DPY30: variants seen among roughly 807,000 people sequenced by gnomAD.
DPY30 encodes the protein protein dpy-30 homolog.
DPY30 carries 6 observed loss-of-function variants against 16.2 expected under a neutral mutation model. That is an observed-to-expected ratio of 0.37 (90% CI 0.20 to 0.73). DPY30 has a LOEUF of 0.73. Among genes scored for constraint, DPY30 ranks in the 30% least tolerant of loss-of-function variants. The pLI is 0.51. For missense variants in DPY30, 73 were observed against 113.1 expected (o/e 0.65, Z 1.61); for synonymous variants, 39 against 38.8 (o/e 1.00, Z -0.02).
At chr2:32,027,784 A>G (rs1188551373) in intron 4 of DPY30, among the ~76,000 whole-genome samples, 2 of 151,660 alleles carry the variant, frequency 1.3e-5, no homozygotes, top group Non-Finnish European at 2.9e-5. Context: ...ACCTGCCACC[A>G]CGCCCAGCTA....
chr2:32,022,571 G>A (rs1174728551), downstream of DPY30, among the ~76,000 whole-genome samples: 1 of 151,370 alleles, frequency 6.6e-6, no homozygotes. Flanking sequence ...AGGCTGGAGT[G>A]CAGTGGCACA....
intron 4 of DPY30, among the ~76,000 whole-genome samples, chr2:32,026,005 G>C (rs927608301): frequency 6.6e-6 from 1 of 152,094 alleles, no homozygotes; most frequent in Admixed American, 6.6e-5. Context: ...CTACTCAGGA[G>C]GTTAGGTGGA....
At chr2:32,035,028 G>T (rs1675683704) in intron 3 of DPY30, among the ~76,000 whole-genome samples, 1 of 151,374 alleles carries the variant, frequency 6.6e-6, no homozygotes, top group Non-Finnish European at 1.5e-5. Context: ...TAAATCGCTT[G>T]AACCCGGGAG....
intron 3 of DPY30, among the ~76,000 whole-genome samples, chr2:32,031,464 G>A (rs1165700185): frequency 6.6e-6 from 1 of 151,778 alleles, no homozygotes; most frequent in Non-Finnish European, 1.5e-5. Context: ...AGGCATGGTG[G>A]TGCACACCTG....
Position 32,039,725 on chromosome 2 carries a change from C to G in DPY30, c.-37+8G>C. On this transcript the variant is annotated splice_region_variant and intron_variant, in intron 1 of 4. Coordinates refer to ENST00000342166, the MANE Select transcript of DPY30 (RefSeq NM_001321209.2). ...AAGTGAGAAAGTGGGGGAAAGGGAGCTGATTACCCGCGCCCAAGCCGTTCG... is the reference window on the plus strand; with the variant it reads ...AAGTGAGAAAGTGGGGGAAAGGGAGGTGATTACCCGCGCCCAAGCCGTTCG... 1 of 568,770 alleles carries G rather than the reference C, an allele frequency of 1.8e-6. No homozygotes were observed. The highest frequency in any genetic ancestry group is 2.9e-5 in the East Asian group (1 of 34,732). The allele number at this position is 568,770 out of a possible 1,614,324, so 35.2% of individuals were successfully genotyped here. A position where few individuals can be genotyped will look rare whatever the true frequency, so the allele number is the denominator to read the frequency against.
At chr2:32,027,959 G>C (rs932984799) in intron 4 of DPY30, among the ~76,000 whole-genome samples, 6 of 152,048 alleles carry the variant, frequency 3.9e-5, no homozygotes, top group African/African-American at 1.4e-4. Flanking sequence ...GTTGATAGTA[G>C]AGCCAAGATA....
chr2:32,034,071 TG>T (rs779540147), intron 3 of DPY30, among the ~76,000 whole-genome samples: 24 of 152,208 alleles, frequency 1.6e-4, no homozygotes, highest in Non-Finnish European at 2.6e-4. Context: ...AACTAAAATT[TG>T]CAAGGCAGAG....
intron 3 of DPY30, among the ~76,000 whole-genome samples, chr2:32,030,491 G>A (rs778135993): frequency 1.3e-5 from 2 of 152,014 alleles, no homozygotes; most frequent in African/African-American, 2.4e-5. Flanking sequence ...TTCCCCGGGC[G>A]TGGTGGCAGG....
chr2:32,022,521 T>TA (rs994277474), downstream of DPY30, among the ~76,000 whole-genome samples: 4 of 151,574 alleles, frequency 2.6e-5, no homozygotes, highest in Admixed American at 1.3e-4. Flanking sequence ...TTTTTTTTTT[T>TA]AATTTTTTTT....
downstream of DPY30, among the ~76,000 whole-genome samples, chr2:32,021,539 ATGG>A (rs1675180325): frequency 6.6e-6 from 1 of 151,640 alleles, no homozygotes; most frequent in Non-Finnish European, 1.5e-5. Flanking sequence ...TTAGCCAGGT[ATGG>A]TGGCACACAC....
intron 3 of DPY30, among the ~76,000 whole-genome samples, chr2:32,032,498 C>G (rs1675578377): frequency 6.6e-6 from 1 of 152,188 alleles, no homozygotes; most frequent in South Asian, 2.1e-4. Context: ...ATGCGGCAAA[C>G]TTCAAAATCT....
In DPY30 at chr2:32,028,385, C is replaced by T. The variant is rs545077100; in HGVS notation, c.227+1209G>A. On this transcript the variant is annotated intron_variant, in intron 4 of 4. Coordinates refer to ENST00000342166, the MANE Select transcript of DPY30 (RefSeq NM_001321209.2). ...TAAAAAAGAATATGCACCTAATAAA[C>T]GTTGACTAGTCTAACTTGCAAAACC... is the stretch of plus-strand genomic sequence containing the variant. Among the ~76,000 whole-genome samples the T allele has an allele frequency of 5.5e-4, 83 of 152,226 alleles. No homozygotes were observed. In the South Asian group the frequency reaches 0.017, roughly 30 times the overall value.
At chr2:32,030,220 T>C (rs1013911429) in intron 3 of DPY30, among the ~76,000 whole-genome samples, 14 of 152,154 alleles carry the variant, frequency 9.2e-5, no homozygotes, top group African/African-American at 3.4e-4. Flanking sequence ...GTATTCACTG[T>C]TGTCATTTTT....
chr2:32,030,263 T>C lies in DPY30; in HGVS notation c.85-527A>G, dbSNP rs1262505906. 2.0e-5 allele frequency among the ~76,000 whole-genome samples: 3 copies of C among 152,104 alleles called. No individual in the cohort carries two copies. In the East Asian group the frequency reaches 5.8e-4, roughly 29 times the overall value. On this transcript the variant is annotated intron_variant, in intron 3 of 4. Transcript: ENST00000342166. ...CCCTCTATTTATCACAATGAGAATGTTTTTCCCTTTATGTTTCTTTTTTAA... is the reference window on the plus strand; with the variant it reads ...CCCTCTATTTATCACAATGAGAATGCTTTTCCCTTTATGTTTCTTTTTTAA...
At chr2:32,026,696 C>G (rs1260260959) in intron 4 of DPY30, among the ~76,000 whole-genome samples, 1 of 150,662 alleles carries the variant, frequency 6.6e-6, no homozygotes, top group Admixed American at 6.6e-5. Context: ...GAGGCTGAGG[C>G]AGAATTTCTT....
At chr2:32,038,422 C>CG (rs1675836200) in intron 3 of DPY30, among the ~76,000 whole-genome samples, 2 of 20,902 alleles carry the variant, frequency 9.6e-5, no homozygotes, top group Admixed American at 6.6e-4. Flanking sequence ...GGGGGGGGGG[C>CG]GGGGGGAGGG....
intron 4 of DPY30, among the ~76,000 whole-genome samples, chr2:32,027,977 G>A (rs1675396079): frequency 6.6e-6 from 1 of 152,014 alleles, no homozygotes. Context: ...ATATAGCTCA[G>A]TCATAAATAA....
At chr2:32,033,999 G>T (rs559701576) in intron 3 of DPY30, among the ~76,000 whole-genome samples, 1 of 152,030 alleles carries the variant, frequency 6.6e-6, no homozygotes, top group Non-Finnish European at 1.5e-5. Context: ...GAGAGAACTT[G>T]AACAGAGCCT....
At chr2:32,023,649 C>T, downstream of DPY30, 1 of 1,082,806 alleles carries the variant, frequency 9.2e-7, no homozygotes, top group Non-Finnish European at 1.3e-6. Context: ...TTTATTAGTA[C>T]TCCAACTTTA....
Sources: allele counts gnomAD v4.1 joint callset (sites outside exome capture counted in the v4.1 genomes callset), GRCh38; gene constraint gnomAD v4.1.1; transcripts MANE v1.5; gene names NCBI Gene and HGNC (gene_info 2026-07-23, HGNC 2026-07-21).